Variants in CRK observed in about 807,000 individuals in gnomAD.
The protein encoded by CRK is adapter molecule crk.
Under a neutral mutation model 29.8 loss-of-function variants are expected in CRK, and 4 were observed. The ratio of observed to expected loss-of-function variants is 0.13; its 90% CI spans 0.07 to 0.31. The LOEUF is 0.31. Ranked by LOEUF, CRK falls within the 10% of genes least tolerant of loss-of-function variation. CRK has a pLI of 1.00. For missense variants in CRK, 274 were observed against 396.5 expected (o/e 0.69, Z 2.62); for synonymous variants, 153 against 164.9 (o/e 0.93, Z 0.55).
chr17:1,455,790 G>A (rs1356044735), intron 1 of CRK, 87 bp downstream of exon 1: 1 of 1,387,442 alleles, frequency 7.2e-7, no homozygotes, highest in African/African-American at 1.5e-5. Context: ...CGACCCCCGA[G>A]GGTCCGCTCT....
chr17:1,433,823 TG>T (rs1237061955), intron 2 of CRK, among the ~76,000 whole-genome samples: 1 of 99,658 alleles, frequency 1.0e-5, no homozygotes, highest in Non-Finnish European at 2.0e-5. Context: ...CCAGCATGTA[TG>T]GTTTTTTTTT....
chr17:1,440,664 G>C (rs1180471214), intron 1 of CRK, among the ~76,000 whole-genome samples: 2 of 152,062 alleles, frequency 1.3e-5, no homozygotes. Flanking sequence ...TGTAATCCCA[G>C]CACTTTGGGA....
In CRK at chr17:1,421,700, A is replaced by G. The variant is rs2073726411; in HGVS notation, c.*1813T>C. The stretch of plus-strand genomic sequence containing the variant: ...CATTCACTCAGACAAATACGTGCAC[A>G]CTGACTGTGTGTCAGACAGTGTGCC... On this transcript the variant is annotated 3_prime_UTR_variant, in exon 3 of 3. Coordinates refer to ENST00000300574, the MANE Select transcript of CRK (RefSeq NM_016823.4). 6.6e-6 allele frequency: 1 copy of G among 152,192 alleles called. No individual in the cohort carries two copies. The highest frequency in any genetic ancestry group is 2.4e-5 in the African/African-American group (1 of 41,444). The allele number at this position is 152,192 out of a possible 1,614,324, so 9.4% of individuals were successfully genotyped here. A position where few individuals can be genotyped will look rare whatever the true frequency, so the allele number is the denominator to read the frequency against.
chr17:1,442,164 T>A (rs2073940333), intron 1 of CRK, among the ~76,000 whole-genome samples: 1 of 151,460 alleles, frequency 6.6e-6, no homozygotes, highest in Admixed American at 6.6e-5. Flanking sequence ...GCCTGTTTTT[T>A]TTTTTTTTGA....
chr17:1,425,091 T>C (rs1379299671), intron 2 of CRK, among the ~76,000 whole-genome samples: 3 of 151,816 alleles, frequency 2.0e-5, no homozygotes, highest in African/African-American at 4.8e-5. Context: ...ATAAAGGTTT[T>C]TTTTGTTTGT....
chr17:1,428,118 C>CTT (rs55649851), intron 2 of CRK, among the ~76,000 whole-genome samples: 1 of 135,856 alleles, frequency 7.4e-6, no homozygotes, highest in Non-Finnish European at 1.6e-5. Flanking sequence ...TTCTTTCAGA[C>CTT]TTTTTTTTTT....
intron 1 of CRK, among the ~76,000 whole-genome samples, chr17:1,448,545 CCTGGGAGGCAGAG>C (rs2073992572): frequency 6.9e-6 from 1 of 145,100 alleles, no homozygotes; most frequent in Non-Finnish European, 1.5e-5. Context: ...ACTGCCTGAA[CCTGGGAGGCAGAG>C]CTTGCAGTGA....
chr17:1,435,450 T>TA (rs933930577), intron 2 of CRK, among the ~76,000 whole-genome samples: 2 of 114,880 alleles, frequency 1.7e-5, no homozygotes, highest in African/African-American at 6.8e-5. Context: ...CAGATAAAAA[T>TA]AAAAAAAAGC....
rs778665308 is a variant in CRK, at chr17:1,436,812, G to A, written c.585C>T (p.Ala195=). 5.7e-6 allele frequency: 9 copies of A among 1,582,278 alleles called. No individual in the cohort carries two copies. The highest frequency in any genetic ancestry group is 7.7e-6 in the Non-Finnish European group (9 of 1,165,022). Reference sequence around the variant, plus strand: ...TACCTCCAATCAGAGCCGATACTGAGGCGGAGGCAGGTCTATACTTCTCGA... The same window carrying A: ...TACCTCCAATCAGAGCCGATACTGAAGCGGAGGCAGGTCTATACTTCTCGA... ...PYVEKYRPAS[A]SVSALIGGNQ... is the part of the protein sequence containing the mutation. Residue 195 remains alanine (A), a synonymous_variant, in exon 2 of 3, where the codon GCC becomes GCT. Coordinates refer to ENST00000300574, the MANE Select transcript of CRK (RefSeq NM_016823.4).
intron 1 of CRK, among the ~76,000 whole-genome samples, chr17:1,444,246 G>C (rs1222822909): frequency 6.6e-6 from 1 of 152,110 alleles, no homozygotes; most frequent in Admixed American, 6.6e-5. Flanking sequence ...TCATCCTCCT[G>C]CCTCAGACTC....
chr17:1,437,564 T>C (rs1433919399), intron 1 of CRK, among the ~76,000 whole-genome samples: 1 of 152,078 alleles, frequency 6.6e-6, no homozygotes, highest in Non-Finnish European at 1.5e-5. Context: ...GCTCTCATAC[T>C]TGATCAACGA....
intron 1 of CRK, among the ~76,000 whole-genome samples, chr17:1,453,084 G>A (rs1197481401): frequency 6.6e-6 from 1 of 152,128 alleles, no homozygotes; most frequent in Admixed American, 6.6e-5. Flanking sequence ...CTCCAGCTTG[G>A]GTGACAGAGG....
At position 1,456,098 on chromosome 17, in the gene CRK, G is replaced by C; in HGVS notation, c.20C>G (p.Ser7Trp). 1.3e-6 allele frequency: 2 copies of C among 1,554,122 alleles called. No homozygotes were observed. The highest frequency in any genetic ancestry group is 8.7e-7 in the Non-Finnish European group (1 of 1,153,790). MAGNFD[S>W]EERSSWYWGR... is the part of the protein sequence containing the mutation. ...CCAGTACCAGCTACTCCGCTCCTCC[G>C]AGTCGAAGTTGCCCGCCATGGCTGC... Residue 7 changes from serine to tryptophan, a missense_variant, in exon 1 of 3, where the codon TCG becomes TGG. Physicochemically the swap from Ser to Trp is radical, Grantham distance 177. Around this residue, in one of 3 missense-constraint regions of CRK, gnomAD observed 135 missense variants for 180.9 expected, o/e 0.75. Transcript: ENST00000300574.
chr17:1,421,594 C>T lies in CRK; in HGVS notation c.*1919G>A, dbSNP rs2073724917. The stretch of plus-strand genomic sequence containing the variant: ...AAAATACATTAAATTAGCGTCAACG[C>T]GTTAGTCTGCTTGCGGCCATGTACG... On this transcript the variant is annotated 3_prime_UTR_variant, in exon 3 of 3. Transcript: ENST00000300574. The T allele has an allele frequency of 1.3e-5, 2 of 152,276 alleles. No individual in the cohort carries two copies. The highest frequency in any genetic ancestry group is 1.9e-4 in the East Asian group (1 of 5,178). 9.4% of individuals were successfully genotyped at this position (152,276 alleles called of 1,614,324 possible). A position where few individuals can be genotyped will look rare whatever the true frequency, so the allele number is the denominator to read the frequency against.
chr17:1,443,036 T>C (rs1346066725), intron 1 of CRK, among the ~76,000 whole-genome samples: 4 of 150,902 alleles, frequency 2.7e-5, no homozygotes, highest in Non-Finnish European at 5.9e-5. Context: ...TGGAGTGCAG[T>C]GGTGCGATCC....
chr17:1,452,069 T>G (rs1452517060), intron 1 of CRK, among the ~76,000 whole-genome samples: 1 of 152,154 alleles, frequency 6.6e-6, no homozygotes, highest in African/African-American at 2.4e-5. Context: ...TACGGACCTC[T>G]ATGTGCACTG....
At chr17:1,442,546 TC>T (rs1263218590) in intron 1 of CRK, among the ~76,000 whole-genome samples, 3 of 151,564 alleles carry the variant, frequency 2.0e-5, no homozygotes, top group Non-Finnish European at 4.4e-5. Context: ...AGCCACTGCA[TC>T]CAGCCATTAT....
At chr17:1,447,226 C>A (rs2073982399) in intron 1 of CRK, among the ~76,000 whole-genome samples, 2 of 152,124 alleles carry the variant, frequency 1.3e-5, no homozygotes, top group Non-Finnish European at 2.9e-5. Flanking sequence ...AGGAAGGAGG[C>A]ACAGTCAGCC....
intron 2 of CRK, among the ~76,000 whole-genome samples, chr17:1,430,573 G>A (rs1032188643): frequency 4.3e-5 from 6 of 139,786 alleles, no homozygotes; most frequent in Non-Finnish European, 7.8e-5. Flanking sequence ...CACAGTATTA[G>A]CCAGGATGGT....
Sources: allele counts gnomAD v4.1 joint callset (sites outside exome capture counted in the v4.1 genomes callset), GRCh38; gene constraint gnomAD v4.1.1; regional missense constraint gnomAD v4.1.1; transcripts MANE v1.5; gene names NCBI Gene and HGNC (gene_info 2026-07-23, HGNC 2026-07-21).